The following ZNF91 variants were observed in gnomAD, a reference collection of about 807,000 sequenced individuals.
The protein encoded by ZNF91 is zinc finger protein 91.
A neutral mutation model predicts 12.6 loss-of-function variants in ZNF91; 7 were observed. That is an observed-to-expected ratio of 0.55 (90% CI 0.31 to 1.04). ZNF91 has a LOEUF of 1.04. Ranked by LOEUF, ZNF91 falls within the 50% of genes least tolerant of loss-of-function variation. The pLI is 0.05. For synonymous variants in ZNF91, 453 were observed against 462.6 expected (o/e 0.98, Z 0.27); for missense variants, 1,217 against 1,385.4 (o/e 0.88, Z 1.93).
In ZNF91 at chr19:23,361,002, T is replaced by C. The variant is rs1968721850; in HGVS notation, c.1977A>G (p.Lys659=). The C allele has an allele frequency of 2.5e-6, 4 of 1,602,876 alleles. No homozygotes were observed. The highest frequency in any genetic ancestry group is 3.4e-6 in the Non-Finnish European group (4 of 1,171,142). ...KRIHTGEKPY[K]CKECGKAFSN... is the part of the protein sequence containing the mutation. ...TAAAAGCTTTGCCACATTCTTTACA[T>C]TTGTAGGGTTTCTCTCCAGTATGAA... The change falls in exon 4 of 4, where the codon AAA becomes AAG. Residue 659 remains lysine, a synonymous_variant. Coordinates refer to ENST00000300619, the MANE Select transcript of ZNF91 (RefSeq NM_003430.4).
At chr19:23,313,549 G>C (rs573166641), upstream of ZNF91, among the ~76,000 whole-genome samples, 1 of 152,238 alleles carries the variant, frequency 6.6e-6, no homozygotes, top group South Asian at 2.1e-4. Context: ...TGCTGGGCTT[G>C]GCATCCAGGT....
intron 3 of ZNF91, among the ~76,000 whole-genome samples, chr19:23,344,838 C>T (rs944533783): frequency 9.9e-5 from 15 of 152,172 alleles, no homozygotes; most frequent in Admixed American, 3.9e-4. Flanking sequence ...AGCAAGAGAG[C>T]GGAAGCAGGA....
chr19:23,392,390 C>G (rs1970095528), intron 1 of ZNF91, among the ~76,000 whole-genome samples: 1 of 138,616 alleles, frequency 7.2e-6, no homozygotes, highest in African/African-American at 2.7e-5. Flanking sequence ...GAGTGAAACT[C>G]CATCTCAAAA....
chr19:23,368,796 A>T (rs10411358), intron 3 of ZNF91, among the ~76,000 whole-genome samples: 3,300 of 152,060 alleles, frequency 0.022, 111 homozygotes, highest in African/African-American at 0.075. Context: ...AACAACTTTT[A>T]AAACGGAACA....
chr19:23,341,239 C>T (rs938297615), intron 3 of ZNF91, among the ~76,000 whole-genome samples: 6 of 151,706 alleles, frequency 4.0e-5, no homozygotes, highest in East Asian at 1.9e-4. Flanking sequence ...TTAGTAGAGA[C>T]GGGGTTTCAC....
At chr19:23,339,745 G>C (rs987272778) in intron 3 of ZNF91, 2 of 151,960 alleles carry the variant, frequency 1.3e-5, no homozygotes, top group African/African-American at 4.8e-5. Flanking sequence ...TTTAACACTA[G>C]CCTGGGCAAC....
At chr19:23,346,969 T>G (rs760232646) in intron 3 of ZNF91, among the ~76,000 whole-genome samples, 6 of 152,166 alleles carry the variant, frequency 3.9e-5, no homozygotes, top group Non-Finnish European at 8.8e-5. Flanking sequence ...CCTACATACT[T>G]CTGTATCAAC....
rs749221534 is a variant in ZNF91, at chr19:23,374,625, A to C, written c.157+13T>G. 3 of 1,604,446 alleles carry C rather than the reference A, an allele frequency of 1.9e-6. No individual in the cohort carries two copies. Among genetic ancestry groups the C allele is most frequent in the South Asian group, 2.2e-5 (2 of 89,990 alleles). The stretch of plus-strand genomic sequence containing the variant: ...AGTTTATATTAGAAACTTAGTATTA[A>C]AGTTTTCCTTACCCAGGAAGGCCAG... On this transcript the variant is annotated intron_variant, in intron 2 of 3. Transcript: ENST00000300619.
chr19:23,381,171 CAT>C (rs1417840364), intron 1 of ZNF91, among the ~76,000 whole-genome samples: 5 of 152,050 alleles, frequency 3.3e-5, no homozygotes, highest in African/African-American at 7.2e-5. Flanking sequence ...ATATACTACT[CAT>C]AATGTATGTA....
upstream of ZNF91, among the ~76,000 whole-genome samples, chr19:23,311,968 A>T (rs1215967579): frequency 6.6e-6 from 1 of 151,494 alleles, no homozygotes; most frequent in Non-Finnish European, 1.5e-5. Context: ...GCCTTTGCTG[A>T]TTGGGTCTAG....
At chr19:23,385,033 GAC>G in intron 1 of ZNF91, 1 of 1,217,636 alleles carries the variant, frequency 8.2e-7, no homozygotes. Flanking sequence ...CCACCAGGGA[GAC>G]ACCTCATGGG....
chr19:23,349,543 G>A (rs295382), intron 3 of ZNF91, among the ~76,000 whole-genome samples: 15,776 of 152,104 alleles, frequency 0.1, 1,256 homozygotes, highest in East Asian at 0.37. Context: ...TTCGTGAAGC[G>A]GCAAATGAGG....
chr19:23,309,761 G>A (rs967569213), intron 1 of ZNF91, among the ~76,000 whole-genome samples: 4 of 152,178 alleles, frequency 2.6e-5, no homozygotes, highest in Non-Finnish European at 4.4e-5. Flanking sequence ...TTTCCTTTCT[G>A]TATGGAGGTT....
At chr19:23,362,846 A>G in intron 3 of ZNF91, 121 bp from the exon 4 acceptor site, 1 of 1,231,590 alleles carries the variant, frequency 8.1e-7, no homozygotes, top group Non-Finnish European at 1.0e-6. Context: ...ACTGCAAAAT[A>G]CCACAGGCCC....
At chr19:23,345,154 C>CA (rs1264915165) in intron 3 of ZNF91, among the ~76,000 whole-genome samples, 1 of 152,168 alleles carries the variant, frequency 6.6e-6, no homozygotes. Context: ...GTTCTAGGAA[C>CA]AAAAAAGGCA....
intron 1 of ZNF91, among the ~76,000 whole-genome samples, chr19:23,319,868 C>G (rs1248817923): frequency 2.6e-5 from 4 of 152,094 alleles, no homozygotes; most frequent in Non-Finnish European, 4.4e-5. Context: ...CTTGAACTAG[C>G]CAATGAGAGA....
intron 1 of ZNF91, among the ~76,000 whole-genome samples, chr19:23,379,516 C>T (rs919657541): frequency 3.9e-5 from 6 of 152,162 alleles, no homozygotes; most frequent in African/African-American, 1.4e-4. Context: ...GAAATAAAGA[C>T]GGTTACCGTA....
intron 1 of ZNF91, chr19:23,327,405 A>C (rs1967857367): frequency 6.6e-6 from 1 of 152,116 alleles, no homozygotes; most frequent in Non-Finnish European, 1.5e-5. Flanking sequence ...AAGATAAGGT[A>C]GGTGTTCTGA....
rs558600590 is a variant in ZNF91 at position 23,322,247 on chromosome 19, G to T, written n.117-13150C>A. Reference sequence around the variant, plus strand: ...GGCTCTCAAACCTAGGTGATGTGGCGCTCCTGCTTTGGTCTTCCTCTCAGA... The same window carrying T: ...GGCTCTCAAACCTAGGTGATGTGGCTCTCCTGCTTTGGTCTTCCTCTCAGA... On this transcript the variant is annotated intron_variant and non_coding_transcript_variant, in intron 1 of 1. Coordinates refer to the ZNF91 transcript ENST00000596528. Among the ~76,000 whole-genome samples, 6 of 152,202 alleles carry T rather than the reference G, an allele frequency of 3.9e-5. No individual in the cohort carries two copies. The East Asian group carries it at 1.2e-3, about 29-fold the overall frequency.
Sources: allele counts gnomAD v4.1 joint callset (sites outside exome capture counted in the v4.1 genomes callset), GRCh38; gene constraint gnomAD v4.1.1; transcripts MANE v1.5; gene names NCBI Gene and HGNC (gene_info 2026-07-23, HGNC 2026-07-21).